The following ESR1 variants were observed in gnomAD, a reference collection of about 807,000 sequenced individuals.
The protein encoded by ESR1 is estrogen receptor.
ESR1 carries 12 observed loss-of-function variants against 52.7 expected under a neutral mutation model. The observed-to-expected ratio is 0.23, with a 90% CI of 0.15 to 0.37. The LOEUF is 0.37. ESR1 is among the 10% of genes least tolerant of loss of function. The pLI, the probability that ESR1 is intolerant of heterozygous loss-of-function variation, is 1.00. For synonymous variants in ESR1, 305 were observed against 316.8 expected (o/e 0.96, Z 0.39); for missense variants, 584 against 779.7 (o/e 0.75, Z 2.99).
chr6:151,743,628 C>T (rs1783262717), intron 2 of ESR1, among the ~76,000 whole-genome samples: 1 of 152,132 alleles, frequency 6.6e-6, no homozygotes, highest in Admixed American at 6.5e-5. Flanking sequence ...ACAGAGATCA[C>T]AGTAACAGTT....
intron 1 of ESR1, among the ~76,000 whole-genome samples, chr6:151,822,258 A>C (rs1157293233): frequency 6.6e-6 from 1 of 152,198 alleles, no homozygotes; most frequent in Non-Finnish European, 1.5e-5. Flanking sequence ...TAGAAGCAAA[A>C]CAATTTGAGG....
At chr6:152,097,751 C>A (rs906158533) in intron 7 of ESR1, among the ~76,000 whole-genome samples, 1 of 152,040 alleles carries the variant, frequency 6.6e-6, no homozygotes, top group Non-Finnish European at 1.5e-5. Context: ...CCCATTTCCC[C>A]CCTTGTTTTC....
intron 1 of ESR1, among the ~76,000 whole-genome samples, chr6:151,816,504 T>G (rs1473144499): frequency 6.6e-6 from 1 of 152,212 alleles, no homozygotes; most frequent in East Asian, 1.9e-4. Context: ...GTCATTATTT[T>G]TTATTACTAC....
At chr6:152,096,588 G>A (rs1585239877) in intron 7 of ESR1, 3 of 454,112 alleles carry the variant, frequency 6.6e-6, no homozygotes, top group East Asian at 7.0e-5. Flanking sequence ...ATGGCTCATG[G>A]CAGGCTTTTC....
chr6:152,097,528 A>C (rs568044298), intron 7 of ESR1, among the ~76,000 whole-genome samples: 1 of 151,960 alleles, frequency 6.6e-6, no homozygotes, highest in East Asian at 1.9e-4. Flanking sequence ...AAAAATGCAA[A>C]TTTTTCTAAG....
At chr6:151,723,561 T>C (rs1423118779) in intron 2 of ESR1, among the ~76,000 whole-genome samples, 1 of 152,140 alleles carries the variant, frequency 6.6e-6, no homozygotes, top group African/African-American at 2.4e-5. Context: ...CTCTGCTATA[T>C]ATCCATGTAA....
intron 6 of ESR1, among the ~76,000 whole-genome samples, chr6:152,075,266 T>G (rs1408184697): frequency 4.6e-5 from 7 of 152,226 alleles, no homozygotes; most frequent in Non-Finnish European, 1.0e-4. Flanking sequence ...GTTCACCTTT[T>G]TATTTGTTTT....
Position 151,915,844 on chromosome 6 carries a change from T to C in ESR1, c.761-28329T>C, listed in dbSNP as rs573518806. On this transcript the variant is annotated intron_variant, in intron 3 of 7. Transcript: ENST00000206249. ...CATTTTGACTGGAGGCTCCTTTCTC[T>C]CTTTCTCTCTCTCTCTCTCTCTCTC... Among the ~76,000 whole-genome samples the C allele has an allele frequency of 3.4e-3, 492 of 143,154 alleles. 2 individuals are homozygous for C. Among genetic ancestry groups the C allele is most frequent in the Middle Eastern group, 0.014 (4 of 292 alleles). 93.9% of individuals were successfully genotyped at this position (143,154 alleles called of 152,430 possible). A position where few individuals can be genotyped will look rare whatever the true frequency, so the allele number is the denominator to read the frequency against.
intron 4 of ESR1, among the ~76,000 whole-genome samples, chr6:151,958,202 A>G (rs1305863335): frequency 6.6e-6 from 1 of 152,260 alleles, no homozygotes; most frequent in Non-Finnish European, 1.5e-5. Flanking sequence ...TTAGAATTAG[A>G]TATCTTGTAA....
In ESR1 at chr6:151,657,902, T is replaced by A. The variant is rs185770104; in HGVS notation, n.73+1139T>A. Among the ~76,000 whole-genome samples the A allele has an allele frequency of 4.6e-3, 696 of 152,254 alleles. 1 individual carries two copies. The highest frequency in any genetic ancestry group is 7.2e-3 in the Non-Finnish European group (487 of 67,996). On this transcript the variant is annotated intron_variant and non_coding_transcript_variant, in intron 1 of 2. Transcript: ENST00000473497. Reference sequence around the variant, plus strand: ...TAGTGAGGTTCTGGCAAAAAAAAAGTATGATGACCAGAGTTGTTCACTCTT... The same window carrying A: ...TAGTGAGGTTCTGGCAAAAAAAAAGAATGATGACCAGAGTTGTTCACTCTT...
Position 151,711,412 on chromosome 6 carries a change from G to A in ESR1, c.-71+9407G>A, listed in dbSNP as rs1780600637. On this transcript the variant is annotated intron_variant, in intron 2 of 2. Transcript: ENST00000404742. The stretch of plus-strand genomic sequence containing the variant: ...AATTTTTTGTATTTTTAGTAGAGAC[G>A]GGGTTTCACTGTGTTAGCCAGGATG... 6.6e-5 allele frequency among the ~76,000 whole-genome samples: 10 copies of A among 152,130 alleles called. 1 individual carries two copies. In the South Asian group the frequency reaches 2.1e-3, roughly 32 times the overall value.
At chr6:151,986,254 A>G (rs190455335) in intron 4 of ESR1, among the ~76,000 whole-genome samples, 1 of 152,272 alleles carries the variant, frequency 6.6e-6, no homozygotes, top group Admixed American at 6.5e-5. Flanking sequence ...TCAAGAGGTA[A>G]TATTTTAATA....
At chr6:151,783,665 G>A (rs1352231813) in intron 2 of ESR1, among the ~76,000 whole-genome samples, 2 of 152,126 alleles carry the variant, frequency 1.3e-5, no homozygotes, top group African/African-American at 2.4e-5. Flanking sequence ...CCCAGCTCCC[G>A]TATTAGTAAC....
At chr6:151,736,025 C>A (rs1456876123) in intron 2 of ESR1, among the ~76,000 whole-genome samples, 1 of 152,180 alleles carries the variant, frequency 6.6e-6, no homozygotes, top group African/African-American at 2.4e-5. Flanking sequence ...GAGGCCACCC[C>A]AGCCATGTGG....
At chr6:151,985,533 A>AAC (rs1190649006) in intron 4 of ESR1, among the ~76,000 whole-genome samples, 3 of 105,438 alleles carry the variant, frequency 2.8e-5, no homozygotes, top group African/African-American at 4.0e-5. Flanking sequence ...AAAAAAAAAA[A>AAC]CACAAACAAA....
At chr6:151,865,716 C>A (rs1789776452) in intron 2 of ESR1, among the ~76,000 whole-genome samples, 1 of 152,182 alleles carries the variant, frequency 6.6e-6, no homozygotes, top group South Asian at 2.1e-4. Context: ...CATCTCTTTC[C>A]TTTCACCGAT....
At chr6:151,823,616 C>T (rs1267898073) in intron 1 of ESR1, among the ~76,000 whole-genome samples, 1 of 151,424 alleles carries the variant, frequency 6.6e-6, no homozygotes, top group Admixed American at 6.6e-5. Context: ...TGCTATCCCT[C>T]CCCCCTACCC....
chr6:151,808,642 C>G (rs993045441), intron 1 of ESR1, among the ~76,000 whole-genome samples: 3 of 152,136 alleles, frequency 2.0e-5, no homozygotes, highest in African/African-American at 7.2e-5. Context: ...GCCCGGGCTT[C>G]CTAACAAAAC....
chr6:151,921,523 A>G (rs2031674983), intron 3 of ESR1, among the ~76,000 whole-genome samples: 1 of 152,166 alleles, frequency 6.6e-6, no homozygotes, highest in Admixed American at 6.5e-5. Context: ...ATCTTCCTCA[A>G]TGGTTGAACT....
Sources: allele counts gnomAD v4.1 joint callset (sites outside exome capture counted in the v4.1 genomes callset), GRCh38; gene constraint gnomAD v4.1.1; transcripts MANE v1.5; gene names NCBI Gene and HGNC (gene_info 2026-07-23, HGNC 2026-07-21).